PPP3R1: variants seen among roughly 807,000 people sequenced by gnomAD.
PPP3R1 encodes the protein calcineurin subunit B type 1.
In PPP3R1, 5 loss-of-function variants were observed where a neutral mutation model predicts 22.6. The observed-to-expected ratio is 0.22, with a 90% confidence interval of 0.12 to 0.46. The LOEUF is 0.46. PPP3R1 is among the 20% of genes least tolerant of loss of function. The pLI, the probability that PPP3R1 is intolerant of heterozygous loss-of-function variation, is 0.99. For missense variants in PPP3R1, 61 were observed against 203.2 expected, an observed-to-expected ratio of 0.30 and a Z score of 4.25; for synonymous variants, 56 against 65.2, an observed-to-expected ratio of 0.86 and a Z score of 0.68.
intron 3 of PPP3R1, 141 bp downstream of exon 3, chr2:68,188,373 C>T: frequency 3.5e-6 from 2 of 579,390 alleles, no homozygotes; most frequent in Non-Finnish European, 2.8e-6. Flanking sequence ...GTGTATATGC[C>T]ACAGACGCTG....
intron 1 of PPP3R1, among the ~76,000 whole-genome samples, chr2:68,222,237 A>C (rs2103778806): frequency 6.6e-6 from 1 of 152,314 alleles, no homozygotes; most frequent in Middle Eastern, 3.4e-3. Context: ...TAAGAGAAAC[A>C]CTGTATCATT....
chr2:68,245,452 TTAAC>T (rs566668351), intron 1 of PPP3R1, among the ~76,000 whole-genome samples: 43 of 152,338 alleles, frequency 2.8e-4, no homozygotes, highest in African/African-American at 1.0e-3. Flanking sequence ...GCCTATCAAA[TTAAC>T]TATCTAAAAC....
At chr2:68,191,325 T>C (rs941053996) in intron 2 of PPP3R1, among the ~76,000 whole-genome samples, 2 of 152,244 alleles carry the variant, frequency 1.3e-5, no homozygotes, top group African/African-American at 4.8e-5. Flanking sequence ...CTGTACTGAA[T>C]ACTGTAGGCA....
chr2:68,186,477 T>C lies in PPP3R1; in HGVS notation c.456A>G (p.Glu152=). The part of the protein sequence containing the change: ...KDGDGRISFE[E]FCAVVGGLDI... Reference sequence around the variant, plus strand: ...GCTCTTTTGTACTTACAGCACAGAATTCTTCAAAGGATATTCTTCCATCTC... The same window carrying C: ...GCTCTTTTGTACTTACAGCACAGAACTCTTCAAAGGATATTCTTCCATCTC... Residue 152 remains glutamate (E), a synonymous_variant, in exon 5 of 6, where the codon GAA becomes GAG. Transcript: ENST00000234310. 1 of 1,611,966 alleles carries C rather than the reference T, an allele frequency of 6.2e-7. No individual in the cohort carries two copies. Among genetic ancestry groups the C allele is most frequent in the Non-Finnish European group, 8.5e-7 (1 of 1,178,568 alleles).
intron 1 of PPP3R1, among the ~76,000 whole-genome samples, chr2:68,240,997 G>A (rs909967584): frequency 2.0e-5 from 3 of 152,108 alleles, no homozygotes; most frequent in Non-Finnish European, 4.4e-5. Flanking sequence ...AAGAGTTCCC[G>A]ACAAGGTCCA....
intron 1 of PPP3R1, among the ~76,000 whole-genome samples, chr2:68,245,896 T>C (rs1373185882): frequency 6.6e-6 from 1 of 152,126 alleles, no homozygotes; most frequent in Non-Finnish European, 1.5e-5. Context: ...TCTCCTTCTC[T>C]TTCATGTTAA....
intron 1 of PPP3R1, 62 bp from the exon 2 acceptor site, chr2:68,217,193 A>G: frequency 8.3e-7 from 1 of 1,211,476 alleles, no homozygotes; most frequent in Non-Finnish European, 1.2e-6. Flanking sequence ...AAAATATTAA[A>G]CCTAAATATT....
At chr2:68,194,322 T>C (rs1674725906) in intron 2 of PPP3R1, among the ~76,000 whole-genome samples, 1 of 152,084 alleles carries the variant, frequency 6.6e-6, no homozygotes, top group Admixed American at 6.6e-5. Flanking sequence ...CACGGATAAA[T>C]GTAAAATTCA....
chr2:68,244,839 T>TCAAATAGTACTTAACATCTACCATATAC (rs1670204872), intron 1 of PPP3R1, among the ~76,000 whole-genome samples: 1 of 152,066 alleles, frequency 6.6e-6, no homozygotes, highest in African/African-American at 2.4e-5. Context: ...ACATACTCCT[T>TCAAATAGTACTTAACATCTACCATATAC]CAAATAGTAC....
intron 1 of PPP3R1, among the ~76,000 whole-genome samples, chr2:68,232,589 TAC>T (rs1190051603): frequency 6.6e-6 from 1 of 152,012 alleles, no homozygotes; most frequent in Non-Finnish European, 1.5e-5. Flanking sequence ...AATATTCTAT[TAC>T]AGTGTTTTTG....
intron 2 of PPP3R1, among the ~76,000 whole-genome samples, chr2:68,204,985 A>G (rs1020604807): frequency 6.6e-6 from 1 of 152,214 alleles, no homozygotes; most frequent in Non-Finnish European, 1.5e-5. Context: ...CTGAATTGTA[A>G]TTAAATAATT....
At chr2:68,224,291 G>A (rs1452898290) in intron 1 of PPP3R1, among the ~76,000 whole-genome samples, 1 of 152,168 alleles carries the variant, frequency 6.6e-6, no homozygotes, top group Admixed American at 6.5e-5. Context: ...TTCATATGGA[G>A]ATGCAAAGAA....
intron 1 of PPP3R1, among the ~76,000 whole-genome samples, chr2:68,221,017 G>T (rs1188637330): frequency 6.6e-6 from 1 of 151,976 alleles, no homozygotes; most frequent in African/African-American, 2.4e-5. Context: ...GGGCAACATG[G>T]CAAAACACTG....
At chr2:68,235,505 C>T (rs1670002074) in intron 1 of PPP3R1, among the ~76,000 whole-genome samples, 1 of 152,150 alleles carries the variant, frequency 6.6e-6, no homozygotes, top group African/African-American at 2.4e-5. Context: ...CGAGTATTTT[C>T]AAGGTTAATC....
chr2:68,219,950 C>A (rs952573444), intron 1 of PPP3R1, among the ~76,000 whole-genome samples: 1 of 152,178 alleles, frequency 6.6e-6, no homozygotes, highest in African/African-American at 2.4e-5. Context: ...ACTCCCCTTA[C>A]ACTATACTGA....
At chr2:68,243,827 G>A (rs539930282) in intron 1 of PPP3R1, among the ~76,000 whole-genome samples, 7 of 151,782 alleles carry the variant, frequency 4.6e-5, no homozygotes, top group South Asian at 2.1e-4. Flanking sequence ...AATAAGTAGC[G>A]TATCATTAAA....
At chr2:68,246,167 C>T (rs895372021) in intron 1 of PPP3R1, among the ~76,000 whole-genome samples, 2 of 146,462 alleles carry the variant, frequency 1.4e-5, no homozygotes, top group African/African-American at 5.0e-5. Context: ...CTCCGCCTCC[C>T]GGGTTCAAGT....
intron 4 of PPP3R1, among the ~76,000 whole-genome samples, 193 bp from the exon 5 acceptor site, chr2:68,186,845 A>G (rs536475498): frequency 6.6e-6 from 1 of 152,358 alleles, no homozygotes; most frequent in Non-Finnish European, 1.5e-5. Context: ...AGACTGCCTG[A>G]GCAGATTTGG....
At chr2:68,224,730 A>C (rs1438735210) in intron 1 of PPP3R1, among the ~76,000 whole-genome samples, 1 of 152,172 alleles carries the variant, frequency 6.6e-6, no homozygotes, top group Non-Finnish European at 1.5e-5. Flanking sequence ...GAACAGACAA[A>C]TATCAATTGG....
Sources: gnomAD v4.1 joint callset for allele counts (sites outside exome capture counted in the v4.1 genomes callset) on GRCh38, gnomAD v4.1.1 for gene constraint, MANE v1.5 for transcripts, NCBI Gene and HGNC (gene_info 2026-07-23, HGNC 2026-07-21) for gene names.